Variants in PRSS36 observed in about 807,000 individuals in gnomAD.
PRSS36 encodes polyserase-2.
Under a neutral mutation model 94.3 loss-of-function variants are expected in PRSS36, and 90 were observed. That is an observed-to-expected ratio of 0.95 (90% confidence interval 0.80 to 1.14). The LOEUF is 1.14. PRSS36 is among the 50% of genes most tolerant of loss of function. PRSS36 has a pLI of 0.00. For synonymous variants in PRSS36, 500 were observed against 489.6 expected, an observed-to-expected ratio of 1.02 and a Z score of -0.28; for missense variants, 1,158 against 1,135.0, an observed-to-expected ratio of 1.02 and a Z score of -0.29.
At position 31,141,817 on chromosome 16, in the gene PRSS36, C is replaced by G. The variant is rs2057697521; in HGVS notation, c.1665G>C (p.Arg555=). Residue 555 remains arginine, a synonymous_variant, in exon 11 of 15, where the codon CGG becomes CGC. Coordinates refer to ENST00000268281, the MANE Select transcript of PRSS36 (RefSeq NM_173502.5). ...THGPWISHVT[R]GAYLEDQLAW... ...CTAGCTGGTCCTCCAGGTAGGCTCC[C>G]CGAGTCACATGGCTGATCCATGGGC... is the stretch of plus-strand genomic sequence containing the variant. 1.9e-6 allele frequency: 3 copies of G among 1,614,080 alleles called. No homozygotes were observed. The highest frequency in any genetic ancestry group is 1.3e-5 in the African/African-American group (1 of 74,932).
intron 14 of PRSS36, 116 bp downstream of exon 14, chr16:31,140,178 A>T: frequency 8.6e-7 from 1 of 1,156,632 alleles, no homozygotes; most frequent in Non-Finnish European, 1.2e-6. Flanking sequence ...GGACAGAGTG[A>T]GACTCTGTCT....
In PRSS36 at chr16:31,149,230, C is replaced by G; in HGVS notation, c.115G>C (p.Gly39Arg). 6.4e-7 allele frequency: 1 copy of G among 1,556,014 alleles called. No homozygotes were observed. The highest frequency in any genetic ancestry group is 8.7e-7 in the Non-Finnish European group (1 of 1,150,904). The change falls in exon 4 of 15, where the codon GGG becomes CGG. Residue 39 changes from glycine to arginine, a missense_variant. Coordinates refer to ENST00000268281, the MANE Select transcript of PRSS36 (RefSeq NM_173502.5). ...TQEEPEDLDC[G>R]RPEPSARIVG... ...ATGCGGGCCGAGGGCTCAGGGCGCC[C>G]GCAGTCTGCAACGGGGAGCCGTGGA...
chr16:31,147,246 G>A (rs1446613068), intron 5 of PRSS36, among the ~76,000 whole-genome samples: 1 of 152,056 alleles, frequency 6.6e-6, no homozygotes, highest in South Asian at 2.1e-4. Context: ...GGTCCACAGG[G>A]TGGCCTTCAT....
rs752642543 is a variant in PRSS36, at chr16:31,139,337, C to G, written c.2369G>C (p.Arg790Pro). 4.3e-5 allele frequency: 70 copies of G among 1,613,980 alleles called. No homozygotes were observed. In the Middle Eastern group the frequency reaches 1.3e-3, roughly 30 times the overall value. The part of the protein sequence containing the change: ...ILVGMAVQGS[R>P]ELFAAIGPEE... ...AGGACCAATGGCAGCAAACAGCTCC[C>G]GGCTCCCTTGAACAGCCATGCCCAC... Residue 790 changes from arginine to proline, a missense_variant, in exon 15 of 15, where the codon CGG (arginine) becomes CCG (proline). Arg to Pro is a moderately radical substitution (Grantham distance 103). Transcript: ENST00000268281.
At chr16:31,142,691 C>T (rs1463912170) in intron 9 of PRSS36, 46 bp downstream of exon 9, 9 of 1,363,516 alleles carry the variant, frequency 6.6e-6, no homozygotes, top group Admixed American at 7.6e-5. Context: ...CAGACGGCCC[C>T]TGCACCGCCC....
Position 31,140,368 on chromosome 16 carries a change from A to G in PRSS36, c.2215T>C (p.Cys739Arg). ...GGGGGCAGGATGCCCTGATAGAGGC[A>G]GTCACAGATTCGTTGTGTCAAGATG... ...VSILTQRICD[C>R]LYQGILPPGT... The change falls in exon 14 of 15, where the codon TGC (cysteine) becomes CGC (arginine). Residue 739 changes from cysteine (C) to arginine (R), a missense_variant. Physicochemically the swap from Cys to Arg is radical, Grantham distance 180. Coordinates refer to ENST00000268281, the MANE Select transcript of PRSS36 (RefSeq NM_173502.5). 1 of 1,614,052 alleles carries G rather than the reference A, an allele frequency of 6.2e-7. No homozygotes were observed. Among genetic ancestry groups the G allele is most frequent in the Non-Finnish European group, 8.5e-7 (1 of 1,179,978 alleles).
At chr16:31,145,364 C>A in intron 6 of PRSS36, among the ~76,000 whole-genome samples, 1 of 125,080 alleles carries the variant, frequency 8.0e-6, no homozygotes, top group African/African-American at 3.2e-5. Context: ...CTGAGCAAGA[C>A]TCCGTCTCAA....
At chr16:31,148,966 C>T (rs1249915216) in intron 4 of PRSS36, 107 bp downstream of exon 4, 62 of 1,293,212 alleles carry the variant, frequency 4.8e-5, no homozygotes, top group Non-Finnish European at 1.1e-6. Context: ...GACAGCTTGG[C>T]TCCAAATTAT....
Position 31,142,868 on chromosome 16 carries a change from G to T in PRSS36, c.1226C>A (p.Ser409Ter), listed in dbSNP as rs779567348. ...GCGCAGCTGCAGCAGCGCCAGGTCC[G>T]AGGCGTTGTCCCACGAAGCGTTCTC... ...QHENASWDNASDLALLQLRTP... is the reference protein window; with the variant it reads ...QHENASWDNA Residue 409 changes from serine (S) to a stop codon, truncating the protein, a stop_gained, in exon 9 of 15, where the codon TCG becomes TAG. Coordinates refer to ENST00000268281, the MANE Select transcript of PRSS36 (RefSeq NM_173502.5). LOFTEE classifies it high-confidence loss of function. 3 of 1,560,230 alleles carry T rather than the reference G, an allele frequency of 1.9e-6. No homozygotes were observed. The highest frequency in any genetic ancestry group is 1.7e-6 in the Non-Finnish European group (2 of 1,157,852).
At chr16:31,149,918 A>G in intron 1 of PRSS36, 81 bp downstream of exon 1, 1 of 1,568,984 alleles carries the variant, frequency 6.4e-7, no homozygotes, top group South Asian at 1.1e-5. Context: ...CTCCCCACAC[A>G]GAAACCAGGA....
intron 12 of PRSS36, among the ~76,000 whole-genome samples, chr16:31,141,171 C>T (rs1002644044): frequency 6.6e-6 from 1 of 152,144 alleles, no homozygotes; most frequent in Non-Finnish European, 1.5e-5. Context: ...ATCTGCCCGC[C>T]TCGGCCTCCC....
At position 31,143,706 on chromosome 16, in the gene PRSS36, TGCCTCATAGGTA is replaced by T. The variant is rs1596851028; in HGVS notation, c.840_851del (p.Thr281_Ala284del). The T allele has an allele frequency of 4.3e-6, 7 of 1,614,048 alleles. No homozygotes were observed. Among genetic ancestry groups the T allele is most frequent in the African/African-American group, 1.3e-5 (1 of 74,944 alleles). The stretch of plus-strand genomic sequence containing the variant: ...AACCCATCACCTGCTCCCGTATCCA[TGCCTCATAGGTA>T]GCCACAGCAGTGAAAACTCCAGGGC... On this transcript the variant is annotated inframe_deletion, in exon 7 of 15. Coordinates refer to ENST00000268281, the MANE Select transcript of PRSS36 (RefSeq NM_173502.5).
Position 31,141,910 on chromosome 16 carries a change from C to A in PRSS36, c.1572G>T (p.Leu524=). 6.2e-7 allele frequency: 1 copy of A among 1,614,148 alleles called. No individual in the cohort carries two copies. Among genetic ancestry groups the A allele is most frequent in the Non-Finnish European group, 8.5e-7 (1 of 1,180,018 alleles). ...CACTGGGAAAGTCTCTGATTCCAGC[C>A]AGAAACCAGGTCCCCTCCTCCTGGC... The part of the protein sequence containing the change: ...LLCQEEGTWF[L]AGIRDFPSGC... The change falls in exon 11 of 15, where the codon CTG becomes CTT. Residue 524 remains leucine (L), a synonymous_variant. Transcript: ENST00000268281.
Position 31,140,523 on chromosome 16 carries a change from C to G in PRSS36, c.2136G>C (p.Trp712Cys), listed in dbSNP as rs765628173. 4 of 1,577,538 alleles carry G rather than the reference C, an allele frequency of 2.5e-6. No homozygotes were observed. Among genetic ancestry groups the G allele is most frequent in the Non-Finnish European group, 2.6e-6 (3 of 1,161,062 alleles). Reference sequence around the variant, plus strand: ...CCTGGGGTTCTTTCCAGCCCAACACCCAGCAGCTGGCCCCCGGGGGGATAC... The same window carrying G: ...CCTGGGGTTCTTTCCAGCCCAACACGCAGCAGCTGGCCCCCGGGGGGATAC... The part of the protein sequence containing the change: ...PAGIPPGASC[W>C]VLGWKEPQDR... Residue 712 changes from tryptophan (W) to cysteine (C), a missense_variant, in exon 13 of 15, where the codon TGG becomes TGC. Coordinates refer to ENST00000268281, the MANE Select transcript of PRSS36 (RefSeq NM_173502.5).
chr16:31,141,837 A>C lies in PRSS36; in HGVS notation c.1645T>G (p.Trp549Gly). ...AFFPLQTHGP[W>G]ISHVTRGAYL... ...GCTCCCCGAGTCACATGGCTGATCCATGGGCCATGAGTCTGCAGAGGGAAG... is the reference window on the plus strand; with the variant it reads ...GCTCCCCGAGTCACATGGCTGATCCCTGGGCCATGAGTCTGCAGAGGGAAG... The change falls in exon 11 of 15, where the codon TGG becomes GGG. Residue 549 changes from tryptophan to glycine, a missense_variant. Physicochemically the swap from Trp to Gly is radical, Grantham distance 184. Transcript: ENST00000268281. 3 of 1,614,158 alleles carry C rather than the reference A, an allele frequency of 1.9e-6. No homozygotes were observed. Among genetic ancestry groups the C allele is most frequent in the Non-Finnish European group, 2.5e-6 (3 of 1,180,016 alleles).
chr16:31,149,834 A>C, intron 1 of PRSS36, 103 bp from the exon 2 acceptor site: 1 of 1,566,588 alleles, frequency 6.4e-7, no homozygotes, highest in Non-Finnish European at 8.8e-7. Flanking sequence ...TCCCCAGGGC[A>C]CCCAGGCCTC....
chr16:31,141,690 G>A, intron 11 of PRSS36, 33 bp downstream of exon 11: 1 of 1,607,764 alleles, frequency 6.2e-7, no homozygotes, highest in Non-Finnish European at 8.5e-7. Context: ...TGCACTCCCA[G>A]GAGCCCCTAG....
rs773465140 is a variant in PRSS36, at chr16:31,139,196, G to A, written c.2510C>T (p.Ser837Leu). 11 of 1,608,202 alleles carry A rather than the reference G, an allele frequency of 6.8e-6. No individual in the cohort carries two copies. Among genetic ancestry groups the A allele is most frequent in the Admixed American group, 1.7e-5 (1 of 59,442 alleles). The change falls in exon 15 of 15, where the codon TCG (serine) becomes TTG (leucine). Residue 837 changes from serine (S) to leucine (L), a missense_variant. Coordinates refer to ENST00000268281, the MANE Select transcript of PRSS36 (RefSeq NM_173502.5). The stretch of plus-strand genomic sequence containing the variant: ...GAAGTAGACTGCATGCGGGGATCCC[G>A]AGGCCTTGGCCAGTTCTGGGGGGCA... Reference protein sequence around the residue: ...NLCPPELAKASGSPHAVYFLL... With the variant: ...NLCPPELAKALGSPHAVYFLL...
chr16:31,139,095 T>C lies in PRSS36; in HGVS notation c.*43A>G, dbSNP rs1421410954. The C allele has an allele frequency of 1.3e-6, 2 of 1,507,988 alleles. No individual in the cohort carries two copies. The highest frequency in any genetic ancestry group is 4.4e-5 in the Admixed American group (2 of 45,022). The allele number at this position is 1,507,988 out of a possible 1,614,324, so 93.4% of individuals were successfully genotyped here. A position where few individuals can be genotyped will look rare whatever the true frequency, so the allele number is the denominator to read the frequency against. On this transcript the variant is annotated 3_prime_UTR_variant, in exon 15 of 15. Coordinates refer to ENST00000268281, the MANE Select transcript of PRSS36 (RefSeq NM_173502.5). ...CATTCCAGCCCCACTGGGCGGGAAG[T>C]AGAGGGTGGAGAAGGGGGAAGTGGT...
Sources: allele counts gnomAD v4.1 joint callset (sites outside exome capture counted in the v4.1 genomes callset), GRCh38; gene constraint gnomAD v4.1.1; transcripts MANE v1.5; gene names NCBI Gene and HGNC (gene_info 2026-07-23, HGNC 2026-07-21).